Variants in COL24A1 observed in about 807,000 individuals in gnomAD.
The protein encoded by COL24A1 is collagen type XXIV alpha 1 chain.
A neutral mutation model predicts 253.9 loss-of-function variants in COL24A1; 224 were observed. That is an observed-to-expected ratio of 0.88 (90% confidence interval 0.79 to 0.99). The LOEUF is 0.99. Among genes scored for constraint, COL24A1 ranks in the 50% least tolerant of loss-of-function variants. The probability of loss-of-function intolerance (pLI) is 0.00; values close to 1 mark genes in which losing one functional copy is unlikely to be tolerated. For synonymous variants in COL24A1, 685 were observed against 673.7 expected (o/e 1.02, Z -0.26); for missense variants, 2,131 against 2,068.5 (o/e 1.03, Z -0.59).
chr1:86,057,560 G>A (rs1403208977), intron 10 of COL24A1, among the ~76,000 whole-genome samples: 1 of 152,044 alleles, frequency 6.6e-6, no homozygotes, highest in African/African-American at 2.4e-5. Flanking sequence ...GACAGTTTTT[G>A]TATAATAAAA....
chr1:86,125,336 C>T lies in COL24A1; in HGVS notation c.1000G>A (p.Ala334Thr). 1 of 1,613,590 alleles carries T rather than the reference C, an allele frequency of 6.2e-7. No homozygotes were observed. Among genetic ancestry groups the T allele is most frequent in the Non-Finnish European group, 8.5e-7 (1 of 1,179,774 alleles). The change falls in exon 3 of 60, where the codon GCC (alanine) becomes ACC (threonine). Residue 334 changes from alanine (A) to threonine (T), a missense_variant. By Grantham distance (58) the Ala-to-Thr change is moderately conservative. Transcript: ENST00000370571. ...TCTTCCTCAGTGATCATTTCTTTGGCCTGAATCCCATGGTTTGTGAGATCC... is the reference window on the plus strand; with the variant it reads ...TCTTCCTCAGTGATCATTTCTTTGGTCTGAATCCCATGGTTTGTGAGATCC... The part of the protein sequence containing the change: ...AVDLTNHGIQ[A>T]KEMITEEDTQ...
At chr1:86,152,467 A>G (rs573288195) in intron 1 of COL24A1, among the ~76,000 whole-genome samples, 1 of 152,302 alleles carries the variant, frequency 6.6e-6, no homozygotes, top group South Asian at 2.1e-4. Context: ...TCATGTTTTG[A>G]CTTGGGTCCC....
intron 5 of COL24A1, among the ~76,000 whole-genome samples, chr1:86,096,553 C>T (rs1207252959): frequency 6.6e-6 from 1 of 152,136 alleles, no homozygotes; most frequent in African/African-American, 2.4e-5. Flanking sequence ...GATCCTACCA[C>T]ATTTTCATTG....
chr1:85,834,989 C>T (rs923599637), intron 43 of COL24A1, among the ~76,000 whole-genome samples: 2 of 152,054 alleles, frequency 1.3e-5, no homozygotes, highest in Non-Finnish European at 2.9e-5. Flanking sequence ...TTCTTATTCT[C>T]CATGTTTTTT....
intron 7 of COL24A1, among the ~76,000 whole-genome samples, chr1:86,074,086 T>A (rs1186972001): frequency 1.3e-5 from 2 of 152,176 alleles, no homozygotes; most frequent in East Asian, 1.9e-4. Context: ...AGCATCATAA[T>A]GACAGGATCA....
chr1:85,806,634 AT>A (rs1671999469), intron 47 of COL24A1, among the ~76,000 whole-genome samples: 1 of 152,048 alleles, frequency 6.6e-6, no homozygotes, highest in African/African-American at 2.4e-5. Context: ...TGTAAAAACC[AT>A]TTTTAGCTCA....
At chr1:85,744,144 A>G (rs1208792434) in intron 57 of COL24A1, among the ~76,000 whole-genome samples, 1 of 152,094 alleles carries the variant, frequency 6.6e-6, no homozygotes, top group African/African-American at 2.4e-5. Flanking sequence ...GTTCTAATCT[A>G]AATTCATTTT....
intron 55 of COL24A1, among the ~76,000 whole-genome samples, chr1:85,757,789 G>T (rs754623504): frequency 6.6e-6 from 1 of 152,120 alleles, no homozygotes; most frequent in Non-Finnish European, 1.5e-5. Flanking sequence ...TGTATTAAGA[G>T]GATTTGCCTG....
chr1:86,020,156 C>T (rs1337757091), intron 18 of COL24A1, among the ~76,000 whole-genome samples: 2 of 142,448 alleles, frequency 1.4e-5, no homozygotes, highest in African/African-American at 5.4e-5. Flanking sequence ...CAACCTCTGC[C>T]TTCTGGATTC....
At chr1:86,143,709 G>A (rs1456674213) in intron 2 of COL24A1, among the ~76,000 whole-genome samples, 2 of 152,086 alleles carry the variant, frequency 1.3e-5, no homozygotes, top group Admixed American at 6.6e-5. Context: ...GCAGACAATA[G>A]TAGGAGTGGG....
At chr1:85,817,740 T>C (rs990956274) in intron 46 of COL24A1, among the ~76,000 whole-genome samples, 5 of 152,202 alleles carry the variant, frequency 3.3e-5, no homozygotes, top group Non-Finnish European at 7.3e-5. Context: ...GTTACGATTC[T>C]AAGTTCTCTG....
chr1:85,944,666 TA>T (rs1435105339), intron 24 of COL24A1, among the ~76,000 whole-genome samples: 1 of 152,054 alleles, frequency 6.6e-6, no homozygotes, highest in African/African-American at 2.4e-5. Context: ...GTTACGTATG[TA>T]TACATGTGCC....
intron 7 of COL24A1, among the ~76,000 whole-genome samples, 200 bp downstream of exon 7, chr1:86,088,974 G>A (rs1461557082): frequency 2.6e-5 from 4 of 151,904 alleles, no homozygotes; most frequent in African/African-American, 4.8e-5. Context: ...GATGATGATG[G>A]CATCCTAATT....
intron 32 of COL24A1, among the ~76,000 whole-genome samples, chr1:85,877,448 C>T (rs990184911): frequency 6.6e-6 from 1 of 152,104 alleles, no homozygotes; most frequent in Non-Finnish European, 1.5e-5. Flanking sequence ...CTGCAACCTC[C>T]GCCTCCCAGG....
rs564254542 is a variant in COL24A1 at position 85,748,759 on chromosome 1, A to G, written c.4438-3253T>C. ...TCAGGGAGTTCCCTTTCCGAGTCAA[A>G]GAAAGGGGTGACGGACGCACCTGGA... On this transcript the variant is annotated intron_variant, in intron 55 of 59. Transcript: ENST00000370571. 4.7e-5 allele frequency among the ~76,000 whole-genome samples: 6 copies of G among 127,212 alleles called. No individual in the cohort carries two copies. In the South Asian group the frequency reaches 1.8e-3, roughly 38 times the overall value. 83.5% of individuals were successfully genotyped at this position (127,212 alleles called of 152,430 possible).
chr1:85,877,277 G>T, intron 32 of COL24A1, 102 bp from the exon 33 acceptor site: 2 of 725,084 alleles, frequency 2.8e-6, no homozygotes, highest in Non-Finnish European at 2.2e-6. Context: ...CATAACACAT[G>T]ATTATGTAAA....
At chr1:85,924,850 G>T (rs746688052) in intron 24 of COL24A1, among the ~76,000 whole-genome samples, 2 of 152,062 alleles carry the variant, frequency 1.3e-5, no homozygotes, top group Admixed American at 6.6e-5. Flanking sequence ...AGAAATAAAG[G>T]GTATTCAATT....
In COL24A1 at chr1:85,889,626, A is replaced by G. The variant is rs1235844849; in HGVS notation, c.2923-13T>C. 5.6e-6 allele frequency: 9 copies of G among 1,611,686 alleles called. No homozygotes were observed. The highest frequency in any genetic ancestry group is 7.6e-6 in the Non-Finnish European group (9 of 1,178,220). ...ATCCCTGTAAACCCTGGACAAATAA[A>G]GGCAATACTTGTAGGAAAAGTGGTG... On this transcript the variant is annotated splice_polypyrimidine_tract_variant and intron_variant, in intron 31 of 59. Transcript: ENST00000370571.
At chr1:85,891,211 C>T (rs1683098832) in intron 31 of COL24A1, among the ~76,000 whole-genome samples, 7 of 147,340 alleles carry the variant, frequency 4.8e-5, no homozygotes, top group East Asian at 4.1e-4. Flanking sequence ...CCACCACGCC[C>T]GGCTAATTTT....
Sources: gnomAD v4.1 joint callset for allele counts (sites outside exome capture counted in the v4.1 genomes callset) on GRCh38, gnomAD v4.1.1 for gene constraint, MANE v1.5 for transcripts, NCBI Gene and HGNC (gene_info 2026-07-23, HGNC 2026-07-21) for gene names.